Variants in ZNF236 observed in about 807,000 individuals in gnomAD.
ZNF236 encodes regulated by glucose.
Under a neutral mutation model 191.2 loss-of-function variants are expected in ZNF236, and 50 were observed. The ratio of observed to expected loss-of-function variants is 0.26; its 90% CI spans 0.21 to 0.33. ZNF236 has a LOEUF of 0.33. Among genes scored for constraint, ZNF236 ranks in the 10% least tolerant of loss-of-function variants. The probability of loss-of-function intolerance (pLI) is 1.00; values close to 1 mark genes in which losing one functional copy is unlikely to be tolerated. For synonymous variants in ZNF236, 907 were observed against 928.8 expected, an observed-to-expected ratio of 0.98 and a Z score of 0.43; for missense variants, 1,754 against 2,374.5, an observed-to-expected ratio of 0.74 and a Z score of 5.43.
At chr18:76,920,746 C>T (rs1023577744) in intron 20 of ZNF236, among the ~76,000 whole-genome samples, 1 of 152,086 alleles carries the variant, frequency 6.6e-6, no homozygotes, top group African/African-American at 2.4e-5. Flanking sequence ...GGGACACAAG[C>T]GTGTGACAGG....
intron 17 of ZNF236, among the ~76,000 whole-genome samples, chr18:76,913,126 A>C (rs150733606): frequency 3.5e-4 from 53 of 152,370 alleles, no homozygotes; most frequent in African/African-American, 1.2e-3. Context: ...TGGACAAAAG[A>C]GACATACTAA....
At position 76,875,438 on chromosome 18, in the gene ZNF236, T is replaced by G. The variant is rs1274228247; in HGVS notation, c.668-54T>G. The G allele has an allele frequency of 7.1e-7, 1 of 1,413,166 alleles. No individual in the cohort carries two copies. The highest frequency in any genetic ancestry group is 9.3e-7 in the Non-Finnish European group (1 of 1,071,350). 87.5% of individuals were successfully genotyped at this position (1,413,166 alleles called of 1,614,324 possible). ...CTTCAGTGTTGTTCTTTTCAATCCG[T>G]AAGATGCCCATACAATATGGAATTA... On this transcript the variant is annotated intron_variant, in intron 5 of 30. Coordinates refer to ENST00000320610, the MANE Select transcript of ZNF236 (RefSeq NM_001306089.2). This position sits in a 1 kb window ranked among gnomAD's most constrained non-coding sequence, Gnocchi z 4.3.
chr18:76,884,253 T>G (rs144169263), intron 9 of ZNF236, among the ~76,000 whole-genome samples: 4,355 of 151,828 alleles, frequency 0.029, 196 homozygotes, highest in African/African-American at 0.09. Context: ...TACAAAAAAT[T>G]AGCTGGGTGT....
rs1976888767 is a variant in ZNF236, at chr18:76,881,363, C to T, written c.1268C>T (p.Ala423Val). 1.9e-6 allele frequency: 3 copies of T among 1,614,146 alleles called. No homozygotes were observed. The highest frequency in any genetic ancestry group is 3.3e-4 in the Middle Eastern group (2 of 6,062). ...GACTCCTGCCATGCCAAGACCTCTGCACCACACGCTCAAAACCCAGATGTT... is the reference window on the plus strand; with the variant it reads ...GACTCCTGCCATGCCAAGACCTCTGTACCACACGCTCAAAACCCAGATGTT... Reference protein sequence around the residue: ...PNDSCHAKTSAPHAQNPDVSS... With the variant: ...PNDSCHAKTSVPHAQNPDVSS... Residue 423 changes from alanine (A) to valine (V), a missense_variant, in exon 9 of 31, where the codon GCA becomes GTA. Physicochemically the swap from Ala to Val is moderately conservative, Grantham distance 64. Coordinates refer to ENST00000320610, the MANE Select transcript of ZNF236 (RefSeq NM_001306089.2).
chr18:76,931,118 A>G (rs1266803590), intron 25 of ZNF236: 1 of 152,216 alleles, frequency 6.6e-6, no homozygotes, highest in African/African-American at 2.4e-5. Context: ...CTATTAATAA[A>G]CGGGAGCATA....
chr18:76,864,135 C>T (rs188260044), intron 3 of ZNF236, among the ~76,000 whole-genome samples: 51 of 152,128 alleles, frequency 3.4e-4, no homozygotes, highest in Admixed American at 1.8e-3. Context: ...TGCCAGCCCA[C>T]GCTGCAGATT....
rs564716538 is a variant in ZNF236 at position 76,969,254 on chromosome 18, T to A, written c.*915T>A. The A allele has an allele frequency of 6.5e-6, 1 of 152,948 alleles. No homozygotes were observed. Among genetic ancestry groups the A allele is most frequent in the East Asian group, 1.9e-4 (1 of 5,190 alleles). 9.5% of individuals were successfully genotyped at this position (152,948 alleles called of 1,614,324 possible). The stretch of plus-strand genomic sequence containing the variant: ...TCTCTTCGTGCATAAACAGATGTAT[T>A]TTTGATTTCAGGGAATTCTTTAGTA... On this transcript the variant is annotated 3_prime_UTR_variant, in exon 31 of 31. Transcript: ENST00000320610.
chr18:76,873,867 C>T (rs569513063), intron 5 of ZNF236, among the ~76,000 whole-genome samples: 68 of 139,594 alleles, frequency 4.9e-4, no homozygotes, highest in African/African-American at 1.6e-3. Flanking sequence ...ACGCTGTCAC[C>T]GTGCCTCCTG....
Position 76,910,105 on chromosome 18 carries a change from C to A in ZNF236, c.2589C>A (p.His863Gln). 1 of 1,613,554 alleles carries A rather than the reference C, an allele frequency of 6.2e-7. No homozygotes were observed. The highest frequency in any genetic ancestry group is 1.1e-5 in the South Asian group (1 of 91,066). Residue 863 changes from histidine (H) to glutamine (Q), a missense_variant, in exon 15 of 31, where the codon CAC becomes CAA. This residue lies in a region of ZNF236 where 641 missense variants were observed against 869.6 expected (regional missense o/e 0.74). Coordinates refer to ENST00000320610, the MANE Select transcript of ZNF236 (RefSeq NM_001306089.2). ...FVAPQDPLRG[H>Q]VDQFEEQSPA... ...CTCCACAGGACCCTCTGCGAGGGCA[C>A]GTAGACCAGTTTGAAGAGCAGAGCC...
Position 76,899,120 on chromosome 18 carries a change from A to G in ZNF236, c.1792A>G (p.Lys598Glu). 6.2e-7 allele frequency: 1 copy of G among 1,614,204 alleles called. No individual in the cohort carries two copies. ...ASHFKHTELR[K>E]MRHQRKPAKV... ...CCACTTTAAACATACGGAATTAAGGAAAATGAGGCACCAGCGTAAACCTGC... is the reference window on the plus strand; with the variant it reads ...CCACTTTAAACATACGGAATTAAGGGAAATGAGGCACCAGCGTAAACCTGC... The change falls in exon 11 of 31, where the codon AAA (lysine) becomes GAA (glutamate). Residue 598 changes from lysine to glutamate, a missense_variant. Lys to Glu is a moderately conservative substitution (Grantham distance 56, BLOSUM62 1). Transcript: ENST00000320610.
In ZNF236 at chr18:76,895,300, C is replaced by T. The variant is rs773960575; in HGVS notation, c.1690+15C>T. On this transcript the variant is annotated intron_variant, in intron 10 of 30. Coordinates refer to ENST00000320610, the MANE Select transcript of ZNF236 (RefSeq NM_001306089.2). ...CCTGCACACAGGTATGGCCTCAGGG[C>T]TGGGCCCACACGGGCACTGGCCACG... The T allele has an allele frequency of 4.4e-6, 7 of 1,595,748 alleles. No homozygotes were observed. The highest frequency in any genetic ancestry group is 3.3e-5 in the South Asian group (3 of 91,044).
intron 11 of ZNF236, among the ~76,000 whole-genome samples, chr18:76,901,307 T>C (rs928343697): frequency 2.0e-5 from 3 of 152,196 alleles, no homozygotes; most frequent in African/African-American, 7.2e-5. Flanking sequence ...GTAACAATTG[T>C]TTGCAAATAC....
chr18:76,851,648 G>T, intron 2 of ZNF236, 127 bp from the exon 3 acceptor site: 1 of 1,001,814 alleles, frequency 1.0e-6, no homozygotes, highest in Admixed American at 3.3e-5. Flanking sequence ...TTAAGAGCCA[G>T]AGGAGACTTC....
At chr18:76,862,376 G>A (rs1389545452) in intron 3 of ZNF236, among the ~76,000 whole-genome samples, 2 of 152,162 alleles carry the variant, frequency 1.3e-5, no homozygotes, top group East Asian at 1.9e-4. Context: ...GCGGAGCCGA[G>A]TACAGCATTG....
intron 10 of ZNF236, 105 bp downstream of exon 10, chr18:76,895,390 T>C: frequency 6.9e-7 from 1 of 1,453,056 alleles, no homozygotes. Context: ...GGCACACAGG[T>C]ACTGCACACA....
intron 30 of ZNF236, among the ~76,000 whole-genome samples, chr18:76,964,351 T>C (rs545219758): frequency 2.0e-5 from 3 of 152,242 alleles, no homozygotes; most frequent in Non-Finnish European, 2.9e-5. Context: ...TATTGAATTT[T>C]CATGTATTTG....
rs1967756119 is a variant in ZNF236 at position 76,928,120 on chromosome 18, A to G, written c.4594+14A>G. 2 of 1,597,472 alleles carry G rather than the reference A, an allele frequency of 1.3e-6. No homozygotes were observed. The highest frequency in any genetic ancestry group is 2.7e-5 in the African/African-American group (2 of 74,272). Reference sequence around the variant, plus strand: ...TGACTATCTCCGGTTAGTAAGTTATAATTTTAAACATCTTTTCACCCTGCA... The same window carrying G: ...TGACTATCTCCGGTTAGTAAGTTATGATTTTAAACATCTTTTCACCCTGCA... On this transcript the variant is annotated intron_variant, in intron 25 of 30. Coordinates refer to ENST00000320610, the MANE Select transcript of ZNF236 (RefSeq NM_001306089.2).
intron 9 of ZNF236, chr18:76,886,517 T>C: frequency 5.1e-6 from 1 of 194,678 alleles, no homozygotes; most frequent in Non-Finnish European, 1.1e-5. Flanking sequence ...CACCATGAGA[T>C]CCTGGAAGAG....
chr18:76,956,166 G>A lies in ZNF236; in HGVS notation c.5096G>A (p.Arg1699His), dbSNP rs772073062. Residue 1699 changes from arginine to histidine, a missense_variant, in exon 28 of 31, where the codon CGC (arginine) becomes CAC (histidine). Around this residue, in one of 5 missense-constraint regions of ZNF236, gnomAD observed 606 missense variants for 761.5 expected, o/e 0.80. Transcript: ENST00000320610. The part of the protein sequence containing the change: ...GCPVCRKAFK[R>H]ATHLKEHMQT... ...CCCGTGTGCAGGAAGGCCTTCAAGC[G>A]CGCCACGCACCTCAAGGTAGGCCCA... is the stretch of plus-strand genomic sequence containing the variant. 4.5e-6 allele frequency: 7 copies of A among 1,551,624 alleles called. No homozygotes were observed. Among genetic ancestry groups the A allele is most frequent in the African/African-American group, 2.7e-5 (2 of 73,374 alleles).
Sources: allele counts gnomAD v4.1 joint callset (sites outside exome capture counted in the v4.1 genomes callset), GRCh38; gene constraint gnomAD v4.1.1; regional missense constraint gnomAD v4.1.1; non-coding constraint Gnocchi (gnomAD v3.1); transcripts MANE v1.5; gene names NCBI Gene and HGNC (gene_info 2026-07-23, HGNC 2026-07-21).